The following GALC variants were observed in gnomAD, a reference collection of about 807,000 sequenced individuals.
GALC encodes galactocerebrosidase.
Under a neutral mutation model 91.8 loss-of-function variants are expected in GALC, and 77 were observed. That is an observed-to-expected ratio of 0.84 (90% confidence interval 0.70 to 1.01). GALC has a LOEUF of 1.01. GALC is among the 50% of genes least tolerant of loss of function. The pLI is 0.00. For synonymous variants in GALC, 357 were observed against 306.7 expected (o/e 1.16, Z -1.71); for missense variants, 882 against 855.9 (o/e 1.03, Z -0.38).
chr14:87,966,915 T>C (rs1886078829), intron 8 of GALC, among the ~76,000 whole-genome samples: 1 of 152,168 alleles, frequency 6.6e-6, no homozygotes, highest in Non-Finnish European at 1.5e-5. Flanking sequence ...TAATATATTT[T>C]CCACATCAGT....
intron 9 of GALC, 110 bp from the exon 10 acceptor site, chr14:87,963,621 C>A: frequency 2.2e-6 from 2 of 889,164 alleles, no homozygotes; most frequent in East Asian, 2.7e-5. Flanking sequence ...TCCAAACAAG[C>A]TATTTTCTAT....
intron 10 of GALC, among the ~76,000 whole-genome samples, chr14:87,962,960 C>T (rs3844024): frequency 0.31 from 46,747 of 151,986 alleles, 8,461 homozygotes; most frequent in East Asian, 0.58. Flanking sequence ...GACCTATTCC[C>T]TTCCTACTCA....
intron 10 of GALC, chr14:87,954,307 T>C (rs940640756): frequency 4.4e-6 from 7 of 1,583,608 alleles, no homozygotes; most frequent in Admixed American, 1.7e-5. Flanking sequence ...GATTTCACTA[T>C]ACTGACAGAG....
intron 7 of GALC, among the ~76,000 whole-genome samples, chr14:87,969,295 C>A (rs1433546692): frequency 2.0e-5 from 3 of 152,066 alleles, no homozygotes; most frequent in African/African-American, 7.2e-5. Context: ...CCAACCCCTA[C>A]AACAAAAAAA....
At chr14:87,982,398 A>G (rs1340460480) in intron 5 of GALC, among the ~76,000 whole-genome samples, 155 bp from the exon 6 acceptor site, 7 of 152,218 alleles carry the variant, frequency 4.6e-5, no homozygotes, top group African/African-American at 1.7e-4. Flanking sequence ...ATTTATAGAT[A>G]GTTATAAGAT....
intron 12 of GALC, among the ~76,000 whole-genome samples, chr14:87,948,902 A>T (rs1170738676): frequency 6.6e-6 from 1 of 152,082 alleles, no homozygotes; most frequent in Non-Finnish European, 1.5e-5. Context: ...TGTGTCAATT[A>T]AGTGAAATAA....
chr14:87,941,834 A>G lies in GALC; in HGVS notation c.1671-276T>C, dbSNP rs186078186. 1.8e-3 allele frequency among the ~76,000 whole-genome samples: 275 copies of G among 152,122 alleles called. 5 individuals carry two copies. The highest frequency in any genetic ancestry group is 0.016 in the Admixed American group (251 of 15,246). ...TTCCTGAGAAAATTTTTTTTCTACA[A>G]TAAAACAACTTCTCATCTTAAGAAT... On this transcript the variant is annotated intron_variant, in intron 14 of 16. Transcript: ENST00000261304.
At chr14:87,976,014 A>G (rs1478484434) in intron 7 of GALC, among the ~76,000 whole-genome samples, 1 of 152,192 alleles carries the variant, frequency 6.6e-6, no homozygotes, top group Non-Finnish European at 1.5e-5. Flanking sequence ...CAACCACAGA[A>G]TATCTGAGAG....
intron 12 of GALC, among the ~76,000 whole-genome samples, chr14:87,948,127 T>C (rs745779223): frequency 1.3e-5 from 2 of 151,838 alleles, no homozygotes; most frequent in Non-Finnish European, 2.9e-5. Context: ...AAGGACTAAA[T>C]AATCTCAAAA....
chr14:87,988,095 A>C, intron 3 of GALC, 49 bp downstream of exon 3: 6 of 1,357,640 alleles, frequency 4.4e-6, no homozygotes, highest in Non-Finnish European at 6.3e-6. Flanking sequence ...ATGCTGAGGT[A>C]TAGATTAAAA....
chr14:87,950,258 G>A (rs753791082), intron 11 of GALC, among the ~76,000 whole-genome samples: 1 of 151,882 alleles, frequency 6.6e-6, no homozygotes, highest in Admixed American at 6.6e-5. Flanking sequence ...TATGCCATTA[G>A]TAATCAGAAA....
At chr14:87,968,981 C>G (rs931890589) in intron 7 of GALC, among the ~76,000 whole-genome samples, 1 of 152,136 alleles carries the variant, frequency 6.6e-6, no homozygotes, top group South Asian at 2.1e-4. Flanking sequence ...GTACTCTCCC[C>G]ACTACTCCTG....
chr14:87,992,826 C>A (rs1370828112), intron 1 of GALC, 144 bp downstream of exon 1: 5 of 1,402,674 alleles, frequency 3.6e-6, no homozygotes, highest in Non-Finnish European at 3.7e-6. Flanking sequence ...CCCGCCCCAA[C>A]CGCCTGCTGA....
At chr14:87,955,720 T>C (rs1409790627) in intron 10 of GALC, among the ~76,000 whole-genome samples, 1 of 152,044 alleles carries the variant, frequency 6.6e-6, no homozygotes, top group Non-Finnish European at 1.5e-5. Context: ...GGAAATGAGA[T>C]CATGTTTCAA....
chr14:87,941,082 C>T (rs1884816162), intron 15 of GALC, among the ~76,000 whole-genome samples: 1 of 151,900 alleles, frequency 6.6e-6, no homozygotes, highest in Admixed American at 6.6e-5. Context: ...AGCATTCTCT[C>T]CCTACCACCA....
At chr14:87,965,717 T>C (rs1408284562) in intron 8 of GALC, 88 bp from the exon 9 acceptor site, 6 of 1,250,856 alleles carry the variant, frequency 4.8e-6, no homozygotes, top group Non-Finnish European at 7.0e-6. Flanking sequence ...GACTTTATCA[T>C]AGTAATACAC....
intron 3 of GALC, 91 bp from the exon 4 acceptor site, chr14:87,986,693 C>A: frequency 6.6e-6 from 5 of 753,830 alleles, no homozygotes; most frequent in Middle Eastern, 2.3e-4. Context: ...CAGACACACA[C>A]TTCACAAAAG....
chr14:87,955,011 C>G (rs370752784), intron 10 of GALC: 14 of 1,374,632 alleles, frequency 1.0e-5, no homozygotes, highest in East Asian at 9.2e-5. Flanking sequence ...TAGTTACTTC[C>G]TCAGAGATCA....
chr14:87,944,163 T>C (rs150319848), intron 14 of GALC, among the ~76,000 whole-genome samples: 46 of 152,122 alleles, frequency 3.0e-4, no homozygotes, highest in Admixed American at 3.0e-3. Flanking sequence ...TGAAGATGTA[T>C]ATGAAGATTC....
Sources: allele counts gnomAD v4.1 joint callset (sites outside exome capture counted in the v4.1 genomes callset), GRCh38; gene constraint gnomAD v4.1.1; transcripts MANE v1.5; gene names NCBI Gene and HGNC (gene_info 2026-07-23, HGNC 2026-07-21).